Variants in AKAP13 observed in about 807,000 individuals in gnomAD.
AKAP13 encodes the protein A-kinase anchoring protein 13.
AKAP13 carries 80 observed loss-of-function variants against 264.5 expected under a neutral mutation model. The observed-to-expected ratio is 0.30, with a 90% CI of 0.25 to 0.36. The LOEUF is 0.36. Ranked by LOEUF, AKAP13 falls within the 10% of genes least tolerant of loss-of-function variation. AKAP13 has a pLI of 1.00. For missense variants in AKAP13, 3,712 were observed against 3,435.2 expected (o/e 1.08, Z -2.01); for synonymous variants, 1,380 against 1,250.2 (o/e 1.10, Z -2.19).
intron 36 of AKAP13, chr15:85,744,384 T>C (rs1343220641): frequency 7.9e-6 from 4 of 505,348 alleles, no homozygotes; most frequent in African/African-American, 5.9e-5. Context: ...AAAGTACATT[T>C]TCCTGGCCTC....
chr15:85,635,993 A>G (rs1162054066), intron 8 of AKAP13, among the ~76,000 whole-genome samples: 1 of 152,172 alleles, frequency 6.6e-6, no homozygotes, highest in Non-Finnish European at 1.5e-5. Flanking sequence ...TCTTGAAATC[A>G]TGTAGTGATC....
At chr15:85,401,833 A>G (rs537061321) in intron 1 of AKAP13, among the ~76,000 whole-genome samples, 19 of 152,340 alleles carry the variant, frequency 1.2e-4, no homozygotes, top group African/African-American at 3.8e-4. Flanking sequence ...GACAATAATA[A>G]TGGGGAACAA....
chr15:85,722,691 C>T (rs1597177173), intron 25 of AKAP13, among the ~76,000 whole-genome samples: 1 of 151,966 alleles, frequency 6.6e-6, no homozygotes, highest in Non-Finnish European at 1.5e-5. Context: ...TGGTTTCTCT[C>T]TCTTGGCTAA....
intron 1 of AKAP13, among the ~76,000 whole-genome samples, chr15:85,458,449 A>T (rs2074375512): frequency 8.9e-6 from 1 of 112,058 alleles, no homozygotes; most frequent in Non-Finnish European, 1.7e-5. Context: ...TATTTTAGTT[A>T]TCACTTTACA....
intron 3 of AKAP13, among the ~76,000 whole-genome samples, chr15:85,528,672 C>A (rs2077158357): frequency 6.6e-6 from 1 of 152,122 alleles, no homozygotes; most frequent in African/African-American, 2.4e-5. Flanking sequence ...AGCTAATTGC[C>A]AGCATACTTG....
At position 85,743,876 on chromosome 15, in the gene AKAP13, G is replaced by C; in HGVS notation, c.8392+51G>C. The C allele has an allele frequency of 3.3e-6, 5 of 1,523,508 alleles. No homozygotes were observed. The South Asian group carries it at 6.3e-5, about 19-fold the overall frequency. The allele number at this position is 1,523,508 out of a possible 1,614,324, so 94.4% of individuals were successfully genotyped here. On this transcript the variant is annotated intron_variant, in intron 36 of 36. Coordinates refer to ENST00000394518, the MANE Select transcript of AKAP13 (RefSeq NM_007200.5). ...TGTGGCCATAGTGTCTGTGCATTCTGAGAGAGGGTAGATTTTAGTGGCATG... is the reference window on the plus strand; with the variant it reads ...TGTGGCCATAGTGTCTGTGCATTCTCAGAGAGGGTAGATTTTAGTGGCATG...
At chr15:85,588,045 A>G (rs1023402901) in intron 8 of AKAP13, among the ~76,000 whole-genome samples, 2 of 152,134 alleles carry the variant, frequency 1.3e-5, no homozygotes, top group African/African-American at 4.8e-5. Context: ...GCTGAAAATC[A>G]AGTTAGTGAA....
At chr15:85,641,236 G>A (rs1391877590) in intron 9 of AKAP13, among the ~76,000 whole-genome samples, 1 of 151,846 alleles carries the variant, frequency 6.6e-6, no homozygotes, top group East Asian at 2.0e-4. Flanking sequence ...CACGAGATCA[G>A]GAGTTCAAGA....
At chr15:85,381,239 T>G (rs1420009018) in intron 1 of AKAP13, among the ~76,000 whole-genome samples, 1 of 151,908 alleles carries the variant, frequency 6.6e-6, no homozygotes, top group African/African-American at 2.4e-5. Flanking sequence ...GTCCCCGCCG[T>G]GGAGTCCGCG....
At chr15:85,454,726 C>T (rs1211009565) in intron 1 of AKAP13, among the ~76,000 whole-genome samples, 1 of 152,098 alleles carries the variant, frequency 6.6e-6, no homozygotes, top group African/African-American at 2.4e-5. Flanking sequence ...TTTAGTATAT[C>T]CAGAGAGTTG....
intron 17 of AKAP13, among the ~76,000 whole-genome samples, chr15:85,705,867 T>C (rs2086216665): frequency 6.9e-6 from 1 of 144,386 alleles, no homozygotes; most frequent in Non-Finnish European, 1.5e-5. Context: ...CTGTGTTTTA[T>C]AATTTATTTT....
At chr15:85,409,878 G>A (rs1330260932) in intron 1 of AKAP13, among the ~76,000 whole-genome samples, 2 of 151,322 alleles carry the variant, frequency 1.3e-5, no homozygotes, top group Admixed American at 1.3e-4. Context: ...TGATCCGTCC[G>A]CCTCGGCCTC....
rs1244536194 is a variant in AKAP13 at position 85,580,579 on chromosome 15, G to A, written c.2511G>A (p.Thr837=). 13 of 1,614,030 alleles carry A rather than the reference G, an allele frequency of 8.1e-6. No homozygotes were observed. Among genetic ancestry groups the A allele is most frequent in the East Asian group, 2.2e-5 (1 of 44,904 alleles). ...GPDGNSNEPD[T]RPLEDRAVGL... ...ATGGAAATTCGAATGAGCCTGATAC[G>A]CGGCCACTAGAAGACAGGGCAGTAG... is the stretch of plus-strand genomic sequence containing the variant. Residue 837 remains threonine, a synonymous_variant, in exon 7 of 37, where the codon ACG becomes ACA. Transcript: ENST00000394518.
Position 85,561,257 on chromosome 15 carries a change from C to T in AKAP13, c.663-13874C>T, listed in dbSNP as rs1038498592. Among the ~76,000 whole-genome samples the T allele has an allele frequency of 5.9e-5, 9 of 152,102 alleles. No homozygotes were observed. The East Asian group carries it at 9.7e-4, about 16-fold the overall frequency. ...ATTTTTAGTAGAGACGGGGTTTCAC[C>T]GCATTGGCCAGGCTGGTCTCGAACT... On this transcript the variant is annotated intron_variant, in intron 5 of 36. Transcript: ENST00000394518.
chr15:85,503,770 G>A lies in AKAP13; in HGVS notation c.34-17658G>A, dbSNP rs1015757892. Among the ~76,000 whole-genome samples, 19 of 152,294 alleles carry A rather than the reference G, an allele frequency of 1.2e-4. No homozygotes were observed. In the East Asian group the frequency reaches 1.9e-3, roughly 15 times the overall value. ...ATTGTATTTCATGCTTTACTCTCTC[G>A]CTCTAATCATCAGTGTGACAGATAA... On this transcript the variant is annotated intron_variant, in intron 2 of 36. Transcript: ENST00000394518.
At chr15:85,468,028 A>G (rs1160008979) in intron 1 of AKAP13, among the ~76,000 whole-genome samples, 1 of 152,248 alleles carries the variant, frequency 6.6e-6, no homozygotes, top group African/African-American at 2.4e-5. Flanking sequence ...TGAAAGAACA[A>G]CAAAACTTCA....
chr15:85,567,757 CAAAA>C (rs986166875), intron 5 of AKAP13, among the ~76,000 whole-genome samples: 4 of 150,608 alleles, frequency 2.7e-5, no homozygotes, highest in African/African-American at 9.8e-5. Flanking sequence ...GTTAACTGGC[CAAAA>C]AAAAGTGATA....
In AKAP13 at chr15:85,718,925, C is replaced by A; in HGVS notation, c.6002-151C>A. On this transcript the variant is annotated intron_variant, in intron 22 of 36. Transcript: ENST00000394518. The surrounding 1 kb of genome is among the most constrained non-coding windows in gnomAD (Gnocchi z 4.9). ...AAAAAAAAACAAAAAAACAAAAAAA[C>A]GAGAACACTTTTAGGGGAAAGATAG... 9 of 1,101,794 alleles carry A rather than the reference C, an allele frequency of 8.2e-6. No homozygotes were observed. The highest frequency in any genetic ancestry group is 1.1e-5 in the Non-Finnish European group (9 of 789,022). The allele number at this position is 1,101,794 out of a possible 1,614,324, so 68.3% of individuals were successfully genotyped here. A position where few individuals can be genotyped will look rare whatever the true frequency, so the allele number is the denominator to read the frequency against.
intron 8 of AKAP13, among the ~76,000 whole-genome samples, chr15:85,620,903 A>G (rs2081157114): frequency 6.6e-6 from 1 of 152,204 alleles, no homozygotes; most frequent in African/African-American, 2.4e-5. Context: ...TCCAGCCGGT[A>G]AGATGAGAGT....
Sources: allele counts gnomAD v4.1 joint callset (sites outside exome capture counted in the v4.1 genomes callset), GRCh38; gene constraint gnomAD v4.1.1; non-coding constraint Gnocchi (gnomAD v3.1); transcripts MANE v1.5; gene names NCBI Gene and HGNC (gene_info 2026-07-23, HGNC 2026-07-21).